Variants in ALPK1 observed in about 807,000 individuals in gnomAD.
ALPK1 encodes the protein alpha kinase 1.
In ALPK1, 110 loss-of-function variants were observed where a neutral mutation model predicts 120.6. That is an observed-to-expected ratio of 0.91 (90% CI 0.78 to 1.07). The LOEUF (loss-of-function observed/expected upper bound fraction) is 1.07. Ranked by LOEUF, ALPK1 falls within the 50% of genes least tolerant of loss-of-function variation. The pLI is 0.00. For missense variants in ALPK1, 1,498 were observed against 1,483.9 expected, an observed-to-expected ratio of 1.01 and a Z score of -0.16; for synonymous variants, 582 against 560.3, an observed-to-expected ratio of 1.04 and a Z score of -0.55.
Position 112,425,658 on chromosome 4 carries a change from C to A in ALPK1, c.536-7C>A. On this transcript the variant is annotated splice_polypyrimidine_tract_variant and splice_region_variant and intron_variant, in intron 6 of 15. Coordinates refer to ENST00000650871, the MANE Select transcript of ALPK1 (RefSeq NM_025144.4). Reference sequence around the variant, plus strand: ...TAATTCAAGGGAATTTTCATCTTTTCTTTTAGGTACCTGGCTGTACAGAAA... The same window carrying A: ...TAATTCAAGGGAATTTTCATCTTTTATTTTAGGTACCTGGCTGTACAGAAA... 1.2e-6 allele frequency: 2 copies of A among 1,611,340 alleles called. No individual in the cohort carries two copies. The highest frequency in any genetic ancestry group is 1.1e-5 in the South Asian group (1 of 90,890).
In ALPK1 at chr4:112,431,412, C is replaced by T. The variant is rs151196947; in HGVS notation, c.1865C>T (p.Ser622Phe). ...GAACATCTGGTGGACACTCAGTGTTCCACTGCCTTGTCTGAGGAGCTAGAG... is the reference window on the plus strand; with the variant it reads ...GAACATCTGGTGGACACTCAGTGTTTCACTGCCTTGTCTGAGGAGCTAGAG... ...GKEHLVDTQC[S>F]TALSEELEND... Residue 622 changes from serine (S) to phenylalanine (F), a missense_variant, in exon 11 of 16, where the codon TCC (serine) becomes TTC (phenylalanine). Physicochemically the swap from Ser to Phe is radical, Grantham distance 155. Transcript: ENST00000650871. 44 of 1,614,162 alleles carry T rather than the reference C, an allele frequency of 2.7e-5. No individual in the cohort carries two copies. The African/African-American group carries it at 5.5e-4, about 20-fold the overall frequency.
intron 2 of ALPK1, among the ~76,000 whole-genome samples, chr4:112,361,923 G>A (rs1578501095): frequency 6.6e-6 from 1 of 152,242 alleles, no homozygotes; most frequent in Non-Finnish European, 1.5e-5. Flanking sequence ...ACTCCGTGCA[G>A]ACACTCCCCA....
intron 1 of ALPK1, 48 bp downstream of exon 1, chr4:112,297,517 A>G (rs1044086119): frequency 6.6e-6 from 1 of 152,132 alleles, no homozygotes; most frequent in African/African-American, 2.4e-5. Context: ...GGCATAATAT[A>G]TGAGGAAGTA....
chr4:112,338,749 G>A (rs978757001), intron 2 of ALPK1, among the ~76,000 whole-genome samples: 19 of 152,308 alleles, frequency 1.2e-4, no homozygotes, highest in African/African-American at 4.1e-4. Flanking sequence ...AAATTTCAGC[G>A]TGAATATAGA....
chr4:112,365,023 C>A (rs1328042999), intron 2 of ALPK1, among the ~76,000 whole-genome samples: 1 of 152,040 alleles, frequency 6.6e-6, no homozygotes, highest in East Asian at 1.9e-4. Flanking sequence ...ATGATTGAAA[C>A]CCTCAGCAAA....
At chr4:112,373,759 A>G (rs560105890) in intron 2 of ALPK1, among the ~76,000 whole-genome samples, 1 of 152,284 alleles carries the variant, frequency 6.6e-6, no homozygotes, top group Non-Finnish European at 1.5e-5. Context: ...GAGTTACATG[A>G]ATGTTTTTGT....
At position 112,356,128 on chromosome 4, in the gene ALPK1, G is replaced by C. The variant is rs1436354147; in HGVS notation, c.-100-21550G>C. The C allele has an allele frequency of 5.1e-6, 8 of 1,572,526 alleles. No individual in the cohort carries two copies. In the Admixed American group the frequency reaches 1.2e-4, roughly 23 times the overall value. ...CACCCTCTGTGCCCTCCTGAGAACA[G>C]GCTGATATGCCCAAGATAGTCCTGA... On this transcript the variant is annotated intron_variant, in intron 2 of 15. Coordinates refer to ENST00000650871, the MANE Select transcript of ALPK1 (RefSeq NM_025144.4).
chr4:112,437,977 C>G (rs967865125), intron 12 of ALPK1, among the ~76,000 whole-genome samples: 3 of 152,192 alleles, frequency 2.0e-5, no homozygotes, highest in Non-Finnish European at 2.9e-5. Context: ...TTGAAATATA[C>G]AAATCATGTC....
At chr4:112,421,531 G>A (rs1733989376) in intron 5 of ALPK1, among the ~76,000 whole-genome samples, 1 of 151,842 alleles carries the variant, frequency 6.6e-6, no homozygotes, top group Admixed American at 6.5e-5. Flanking sequence ...TCTTCAGAAT[G>A]TCTTGCTGTC....
At chr4:112,365,077 A>G (rs1028291985) in intron 2 of ALPK1, among the ~76,000 whole-genome samples, 2 of 152,234 alleles carry the variant, frequency 1.3e-5, no homozygotes, top group African/African-American at 4.8e-5. Flanking sequence ...AAAGCTGTCT[A>G]TGACAAACTG....
chr4:112,350,955 A>G (rs1047438364), intron 2 of ALPK1, among the ~76,000 whole-genome samples: 1 of 152,176 alleles, frequency 6.6e-6, no homozygotes, highest in Admixed American at 6.5e-5. Context: ...AAATGCCAAG[A>G]AAACTTTCCT....
At chr4:112,351,440 A>T (rs1730348660) in intron 2 of ALPK1, among the ~76,000 whole-genome samples, 1 of 151,896 alleles carries the variant, frequency 6.6e-6, no homozygotes, top group Non-Finnish European at 1.5e-5. Flanking sequence ...ATTTCCTAAA[A>T]TATACTTTGC....
At chr4:112,391,948 C>A (rs1483417317) in intron 4 of ALPK1, among the ~76,000 whole-genome samples, 2 of 143,500 alleles carry the variant, frequency 1.4e-5, no homozygotes, top group Admixed American at 1.4e-4. Flanking sequence ...GAACAGAAGG[C>A]AAAATAAACC....
chr4:112,316,227 C>A (rs1465699518), intron 2 of ALPK1: 1 of 152,186 alleles, frequency 6.6e-6, no homozygotes, highest in Non-Finnish European at 1.5e-5. Flanking sequence ...CTGGCAAACA[C>A]CATTCTCCTC....
intron 2 of ALPK1, among the ~76,000 whole-genome samples, chr4:112,322,103 C>A (rs1247039610): frequency 1.3e-5 from 2 of 152,150 alleles, no homozygotes; most frequent in Non-Finnish European, 2.9e-5. Flanking sequence ...CTCATTAACA[C>A]CCAGACTGGC....
intron 2 of ALPK1, among the ~76,000 whole-genome samples, 189 bp from the exon 3 acceptor site, chr4:112,377,489 A>C (rs1374744742): frequency 6.6e-6 from 1 of 152,080 alleles, no homozygotes; most frequent in Non-Finnish European, 1.5e-5. Flanking sequence ...TCGCTTCTGC[A>C]CTCTGAGGCC....
intron 2 of ALPK1, among the ~76,000 whole-genome samples, chr4:112,346,085 A>T (rs1730089277): frequency 6.6e-6 from 1 of 152,132 alleles, no homozygotes; most frequent in Non-Finnish European, 1.5e-5. Flanking sequence ...CTGGTCTCGA[A>T]CTCCCAACCT....
intron 1 of ALPK1, among the ~76,000 whole-genome samples, chr4:112,299,637 A>G (rs1727699292): frequency 6.6e-6 from 1 of 152,180 alleles, no homozygotes; most frequent in Non-Finnish European, 1.5e-5. Context: ...CCAGTGCAGT[A>G]TCTTTGAATT....
chr4:112,307,290 A>C (rs1422059133), intron 1 of ALPK1, among the ~76,000 whole-genome samples: 3 of 151,990 alleles, frequency 2.0e-5, no homozygotes, highest in Non-Finnish European at 4.4e-5. Flanking sequence ...AGCTGAGTTC[A>C]ATTCCTGGAT....
Sources: allele counts gnomAD v4.1 joint callset (sites outside exome capture counted in the v4.1 genomes callset), GRCh38; gene constraint gnomAD v4.1.1; transcripts MANE v1.5; gene names NCBI Gene and HGNC (gene_info 2026-07-23, HGNC 2026-07-21).